Variants in CNTNAP5 observed in about 807,000 individuals in gnomAD.
CNTNAP5 encodes contactin-associated protein-like 5.
A neutral mutation model predicts 150.2 loss-of-function variants in CNTNAP5; 72 were observed. That is an observed-to-expected ratio of 0.48 (90% CI 0.40 to 0.58). The LOEUF (loss-of-function observed/expected upper bound fraction) is 0.58. Among genes scored for constraint, CNTNAP5 ranks in the 20% least tolerant of loss-of-function variants. The pLI, the probability that CNTNAP5 is intolerant of heterozygous loss-of-function variation, is 0.00. For missense variants in CNTNAP5, 1,636 were observed against 1,626.2 expected, an observed-to-expected ratio of 1.01 and a Z score of -0.10; for synonymous variants, 672 against 619.8, an observed-to-expected ratio of 1.08 and a Z score of -1.25.
At chr2:124,408,192 A>G (rs1202081957) in intron 3 of CNTNAP5, among the ~76,000 whole-genome samples, 8 of 151,780 alleles carry the variant, frequency 5.3e-5, no homozygotes, top group South Asian at 4.2e-4. Context: ...AAAAAACGGC[A>G]CACCACGAGA....
intron 3 of CNTNAP5, among the ~76,000 whole-genome samples, chr2:124,299,605 C>T (rs184529469): frequency 6.2e-5 from 9 of 145,306 alleles, no homozygotes; most frequent in Admixed American, 1.4e-4. Flanking sequence ...GCATTTAGGT[C>T]GATTCCATGT....
At chr2:124,620,515 A>T (rs1677589032) in intron 12 of CNTNAP5, among the ~76,000 whole-genome samples, 1 of 152,048 alleles carries the variant, frequency 6.6e-6, no homozygotes, top group Non-Finnish European at 1.5e-5. Context: ...TAGAAATATG[A>T]TTTGGAGTCA....
At chr2:124,566,751 T>A (rs186864084) in intron 11 of CNTNAP5, among the ~76,000 whole-genome samples, 1 of 152,166 alleles carries the variant, frequency 6.6e-6, no homozygotes, top group Non-Finnish European at 1.5e-5. Context: ...CCTCCCCCAG[T>A]TGAATGAGGA....
intron 3 of CNTNAP5, among the ~76,000 whole-genome samples, chr2:124,374,584 T>G (rs574389635): frequency 1.3e-5 from 2 of 152,254 alleles, no homozygotes; most frequent in South Asian, 4.1e-4. Context: ...GATAAAGTAT[T>G]CTAGGCAAAG....
chr2:124,345,965 AC>A (rs1486743716), intron 3 of CNTNAP5, among the ~76,000 whole-genome samples: 1 of 152,236 alleles, frequency 6.6e-6, no homozygotes, highest in African/African-American at 2.4e-5. Context: ...CAAGTTACAA[AC>A]ATGTGAATCT....
intron 19 of CNTNAP5, among the ~76,000 whole-genome samples, chr2:124,828,192 A>G (rs1017308219): frequency 3.3e-5 from 5 of 152,270 alleles, no homozygotes; most frequent in South Asian, 4.2e-4. Flanking sequence ...TTTAAAAAAT[A>G]TGGTATTGGC....
intron 19 of CNTNAP5, among the ~76,000 whole-genome samples, chr2:124,811,164 G>T (rs762393139): frequency 6.6e-6 from 1 of 152,136 alleles, no homozygotes; most frequent in East Asian, 1.9e-4. Context: ...AATCTTATGT[G>T]ACTGGGTCTC....
chr2:124,849,691 G>C (rs1342120526), intron 19 of CNTNAP5, among the ~76,000 whole-genome samples: 1 of 152,048 alleles, frequency 6.6e-6, no homozygotes, highest in Non-Finnish European at 1.5e-5. Context: ...TAATTTATTT[G>C]TGTCTTCTAC....
At chr2:124,085,544 C>G (rs1682667998) in intron 1 of CNTNAP5, among the ~76,000 whole-genome samples, 1 of 152,042 alleles carries the variant, frequency 6.6e-6, no homozygotes, top group Admixed American at 6.5e-5. Context: ...CTGCTCTCTT[C>G]CCTCTTCCTT....
intron 13 of CNTNAP5, among the ~76,000 whole-genome samples, chr2:124,683,054 G>A (rs1679105878): frequency 6.6e-6 from 1 of 152,134 alleles, no homozygotes; most frequent in Non-Finnish European, 1.5e-5. Context: ...TATGTCTTGT[G>A]AACACTTTTT....
chr2:124,919,518 A>G lies in CNTNAP5; in HGVS notation c.*5230A>G, dbSNP rs72965824. 0.031 allele frequency among the ~76,000 whole-genome samples: 4,724 copies of G among 152,150 alleles called. 266 individuals are homozygous for G. Among genetic ancestry groups the G allele is most frequent in the African/African-American group, 0.11 (4,429 of 41,510 alleles). ...AACTTGACGAGGAGGAAGAGGGGCC[A>G]GTGGCAGTAATTGGTGGCCATCTGA... is the stretch of plus-strand genomic sequence containing the variant. On this transcript the variant is annotated 3_prime_UTR_variant, in exon 24 of 24. Transcript: ENST00000682447.
chr2:124,900,512 A>G (rs1416002473), intron 21 of CNTNAP5, among the ~76,000 whole-genome samples: 1 of 151,474 alleles, frequency 6.6e-6, no homozygotes, highest in Non-Finnish European at 1.5e-5. Context: ...TGGAAGAAGC[A>G]CACTTCCCTA....
At chr2:124,055,853 C>T (rs201669963) in intron 1 of CNTNAP5, among the ~76,000 whole-genome samples, 214 of 152,264 alleles carry the variant, frequency 1.4e-3, no homozygotes, top group African/African-American at 5.0e-3. Context: ...GCAGGACCTT[C>T]GTCATCTTCC....
chr2:124,546,911 T>C (rs1695524882), intron 10 of CNTNAP5, among the ~76,000 whole-genome samples: 1 of 152,148 alleles, frequency 6.6e-6, no homozygotes, highest in South Asian at 2.1e-4. Flanking sequence ...TTGAAGTAAT[T>C]ATTGTGATAA....
chr2:124,344,745 G>T (rs997531575), intron 3 of CNTNAP5, among the ~76,000 whole-genome samples: 1 of 152,134 alleles, frequency 6.6e-6, no homozygotes, highest in Non-Finnish European at 1.5e-5. Flanking sequence ...GACAGAGTGA[G>T]ACCCTGCCTC....
At chr2:124,673,253 C>G (rs1470695311) in intron 13 of CNTNAP5, among the ~76,000 whole-genome samples, 1 of 151,884 alleles carries the variant, frequency 6.6e-6, no homozygotes, top group Non-Finnish European at 1.5e-5. Context: ...AAAAAAAACA[C>G]ATTTAAAAGC....
intron 1 of CNTNAP5, among the ~76,000 whole-genome samples, chr2:124,113,078 C>A (rs571068255): frequency 1.3e-5 from 2 of 152,180 alleles, no homozygotes; most frequent in Non-Finnish European, 2.9e-5. Context: ...ATCTGGAGAA[C>A]AATTTGTTAT....
chr2:124,295,803 A>G (rs1220930657), intron 3 of CNTNAP5, among the ~76,000 whole-genome samples: 1 of 152,146 alleles, frequency 6.6e-6, no homozygotes, highest in Non-Finnish European at 1.5e-5. Context: ...GTTCCTCCCA[A>G]TTTTAGACCA....
chr2:124,536,595 C>A (rs1207977163), intron 10 of CNTNAP5, among the ~76,000 whole-genome samples: 2 of 152,094 alleles, frequency 1.3e-5, no homozygotes, highest in Non-Finnish European at 2.9e-5. Flanking sequence ...TTTGGAAAAG[C>A]CGGGATTCGA....
Sources: allele counts gnomAD v4.1 joint callset (sites outside exome capture counted in the v4.1 genomes callset), GRCh38; gene constraint gnomAD v4.1.1; transcripts MANE v1.5; gene names NCBI Gene and HGNC (gene_info 2026-07-23, HGNC 2026-07-21).